KATNAL2: variants seen among roughly 807,000 people sequenced by gnomAD.
KATNAL2 encodes katanin p60 ATPase-containing subunit A-like 2.
In KATNAL2, 52 loss-of-function variants were observed where a neutral mutation model predicts 76.3. The ratio of observed to expected loss-of-function variants is 0.68; its 90% CI spans 0.55 to 0.86. KATNAL2 has a LOEUF of 0.86. Ranked by LOEUF, KATNAL2 falls within the 40% of genes least tolerant of loss-of-function variation. The probability of loss-of-function intolerance (pLI) is 0.00; values close to 1 mark genes in which losing one functional copy is unlikely to be tolerated. For synonymous variants in KATNAL2, 243 were observed against 244.2 expected (o/e 1.00, Z 0.05); for missense variants, 660 against 668.9 (o/e 0.99, Z 0.15).
chr18:47,036,140 C>A (rs192504105), intron 3 of KATNAL2, among the ~76,000 whole-genome samples: 11 of 152,250 alleles, frequency 7.2e-5, no homozygotes, highest in African/African-American at 2.4e-4. Context: ...GTGCCGTTTG[C>A]AGAATTTTTA....
At chr18:46,931,937 G>A (rs1244188991) in intron 1 of KATNAL2, among the ~76,000 whole-genome samples, 6 of 146,610 alleles carry the variant, frequency 4.1e-5, no homozygotes. Flanking sequence ...TTTTTGAGAC[G>A]GGGTCTCGTT....
chr18:46,953,324 G>T (rs1233805370), intron 3 of KATNAL2, among the ~76,000 whole-genome samples: 1 of 152,118 alleles, frequency 6.6e-6, no homozygotes, highest in Non-Finnish European at 1.5e-5. Context: ...AGTGATACAG[G>T]GTTGTCCATT....
In KATNAL2 at chr18:47,033,034, C is replaced by T. The variant is rs774453041; in HGVS notation, c.52-13423C>T. 8 of 1,614,140 alleles carry T rather than the reference C, an allele frequency of 5.0e-6. No individual in the cohort carries two copies. The highest frequency in any genetic ancestry group is 2.2e-5 in the East Asian group (1 of 44,880). ...TCGGGAGAATCTTCTCTTGTAGTCT[C>T]GAATTGCCTTGGCCATCAGCGGGGC... On this transcript the variant is annotated intron_variant, in intron 3 of 17. Transcript: ENST00000683218.
At chr18:46,950,212 G>A (rs2146691955) in intron 3 of KATNAL2, among the ~76,000 whole-genome samples, 1 of 152,330 alleles carries the variant, frequency 6.6e-6, no homozygotes, top group African/African-American at 2.4e-5. Flanking sequence ...TTGAAAGCAA[G>A]GCAGGAACTC....
In KATNAL2 at chr18:47,035,043, C is replaced by T. The variant is rs755216026; in HGVS notation, c.52-11414C>T. 4.3e-6 allele frequency: 7 copies of T among 1,611,920 alleles called. No individual in the cohort carries two copies. The South Asian group carries it at 5.5e-5, about 13-fold the overall frequency. ...TGTTTCGGTCCACGAGCACCAGCTTCTTCCACCGGGCCGCTAAGTCTCTGG... is the reference window on the plus strand; with the variant it reads ...TGTTTCGGTCCACGAGCACCAGCTTTTTCCACCGGGCCGCTAAGTCTCTGG... On this transcript the variant is annotated intron_variant, in intron 3 of 17. Transcript: ENST00000683218.
At position 47,053,043 on chromosome 18, in the gene KATNAL2, A is replaced by T; in HGVS notation, c.286A>T (p.Thr96Ser). The change falls in exon 5 of 18, where the codon ACA becomes TCA. Residue 96 changes from threonine (T) to serine (S), a missense_variant. Transcript: ENST00000683218. Reference protein sequence around the residue: ...YPKIVKKSSDTAENNLPQRSR... With the variant: ...YPKIVKKSSDSAENNLPQRSR... ...CAAAATTGTCAAAAAGTCATCAGAC[A>T]CAGGTACATGCCTATTTTCTAGAGA... 2 of 1,596,188 alleles carry T rather than the reference A, an allele frequency of 1.3e-6. No individual in the cohort carries two copies. The highest frequency in any genetic ancestry group is 1.7e-6 in the Non-Finnish European group (2 of 1,172,308).
intron 8 of KATNAL2, 42 bp downstream of exon 8, chr18:47,059,696 C>A (rs548319376): frequency 3.0e-6 from 4 of 1,311,732 alleles, no homozygotes; most frequent in Non-Finnish European, 3.3e-6. Flanking sequence ...GTGGTAATTT[C>A]TTTTTCCTTT....
intron 6 of KATNAL2, 182 bp downstream of exon 6, chr18:47,054,620 T>C (rs2061421902): frequency 3.0e-6 from 2 of 663,704 alleles, no homozygotes; most frequent in Non-Finnish European, 2.7e-6. Flanking sequence ...CCAATGTCCG[T>C]CTACTCTCCT....
At chr18:47,034,297 C>G in intron 3 of KATNAL2, 1 of 1,613,554 alleles carries the variant, frequency 6.2e-7, no homozygotes, top group South Asian at 1.1e-5. Context: ...TCCTGGGTCC[C>G]GGCCGTCTAG....
At chr18:47,087,554 G>A (rs1329182569) in intron 15 of KATNAL2, among the ~76,000 whole-genome samples, 1 of 152,134 alleles carries the variant, frequency 6.6e-6, no homozygotes, top group African/African-American at 2.4e-5. Flanking sequence ...TGAGGGTGGA[G>A]GGTGGGAGGA....
At chr18:47,073,174 A>G (rs1411161279) in intron 13 of KATNAL2, among the ~76,000 whole-genome samples, 2 of 152,150 alleles carry the variant, frequency 1.3e-5, no homozygotes, top group African/African-American at 4.8e-5. Context: ...ACACCAATAT[A>G]TTTTTTAAAA....
intron 3 of KATNAL2, among the ~76,000 whole-genome samples, chr18:46,954,751 C>A (rs969975942): frequency 6.6e-6 from 1 of 152,114 alleles, no homozygotes; most frequent in African/African-American, 2.4e-5. Context: ...TCAAGCAATT[C>A]TCCCACCTCA....
chr18:47,061,687 C>G (rs770093058), intron 8 of KATNAL2, among the ~76,000 whole-genome samples: 2 of 152,162 alleles, frequency 1.3e-5, no homozygotes, highest in African/African-American at 2.4e-5. Context: ...GATGCTCCCC[C>G]ACTATGTAAC....
chr18:47,038,605 A>G (rs1484432154), intron 3 of KATNAL2, among the ~76,000 whole-genome samples: 1 of 152,214 alleles, frequency 6.6e-6, no homozygotes, highest in South Asian at 2.1e-4. Context: ...TTGCTCTGCA[A>G]AAGGGTTGTA....
chr18:47,049,515 G>C (rs531539849), intron 4 of KATNAL2, among the ~76,000 whole-genome samples: 2 of 152,292 alleles, frequency 1.3e-5, no homozygotes, highest in East Asian at 3.9e-4. Flanking sequence ...TGGAGCAGTA[G>C]TTATACAGAA....
intron 15 of KATNAL2, 136 bp from the exon 16 acceptor site, chr18:47,099,107 A>T: frequency 1.3e-6 from 1 of 754,476 alleles, no homozygotes; most frequent in Non-Finnish European, 2.1e-6. Context: ...TGTCCCATCC[A>T]CTCAAGGCAT....
intron 15 of KATNAL2, among the ~76,000 whole-genome samples, chr18:47,090,280 T>C (rs951711754): frequency 1.6e-4 from 24 of 152,070 alleles, no homozygotes; most frequent in African/African-American, 5.3e-4. Context: ...CTCATTTTTG[T>C]ATTATTAGTA....
intron 11 of KATNAL2, among the ~76,000 whole-genome samples, chr18:47,068,134 G>C (rs973139221): frequency 2.0e-5 from 3 of 152,192 alleles, no homozygotes; most frequent in African/African-American, 7.2e-5. Context: ...ATGTCCCACT[G>C]GCCAAAGTCA....
chr18:47,049,034 A>G (rs1309601744), intron 4 of KATNAL2, among the ~76,000 whole-genome samples: 1 of 151,790 alleles, frequency 6.6e-6, no homozygotes, highest in African/African-American at 2.4e-5. Context: ...ACGGGGTTTC[A>G]CCGTGGTCTC....
Sources: allele counts gnomAD v4.1 joint callset (sites outside exome capture counted in the v4.1 genomes callset), GRCh38; gene constraint gnomAD v4.1.1; transcripts MANE v1.5; gene names NCBI Gene and HGNC (gene_info 2026-07-23, HGNC 2026-07-21).